The following GAD1 variants were observed in gnomAD, a reference collection of about 807,000 sequenced individuals.
The protein encoded by GAD1 is glutamate decarboxylase 1, also known as 67 kDa glutamic acid decarboxylase.
Under a neutral mutation model 75.2 loss-of-function variants are expected in GAD1, and 35 were observed. The observed-to-expected ratio is 0.47, with a 90% CI of 0.36 to 0.62. The LOEUF (loss-of-function observed/expected upper bound fraction) is 0.62, where lower values mean the gene tolerates loss of function less well. Among genes scored for constraint, GAD1 ranks in the 20% least tolerant of loss-of-function variants. GAD1 has a pLI of 0.00. For missense variants in GAD1, 490 were observed against 758.5 expected, an observed-to-expected ratio of 0.65 and a Z score of 4.16; for synonymous variants, 257 against 271.9, an observed-to-expected ratio of 0.95 and a Z score of 0.54.
chr2:170,840,609 A>AAGGG (rs1213730654), intron 6 of GAD1, among the ~76,000 whole-genome samples: 1 of 130,558 alleles, frequency 7.7e-6, no homozygotes, highest in Non-Finnish European at 1.6e-5. Flanking sequence ...CTCAGAAAGG[A>AAGGG]AGGGAGGGAG....
chr2:170,829,520 T>C lies in GAD1; in HGVS notation c.191T>C (p.Val64Ala), dbSNP rs1285353478. ...AGCCTGGAAGAGAAGAGTCGCCTTG[T>C]GAGTGCCTTCAAGGAGAGGCAATCC... ...TNSLEEKSRL[V>A]SAFKERQSSK... Residue 64 changes from valine to alanine, a missense_variant, in exon 4 of 17, where the codon GTG (valine) becomes GCG (alanine). Physicochemically the swap from Val to Ala is moderately conservative, Grantham distance 64 (BLOSUM62 0). Transcript: ENST00000358196. 1.2e-6 allele frequency: 2 copies of C among 1,613,840 alleles called. No homozygotes were observed. The highest frequency in any genetic ancestry group is 1.7e-6 in the Non-Finnish European group (2 of 1,180,030).
At chr2:170,844,287 G>A in intron 7 of GAD1, 130 bp downstream of exon 7, 1 of 667,340 alleles carries the variant, frequency 1.5e-6, no homozygotes, top group Non-Finnish European at 2.8e-6. Flanking sequence ...TTTTCAAGAT[G>A]AAGGCTAACA....
chr2:170,855,472 T>TGCTG (rs1353736930), intron 14 of GAD1, among the ~76,000 whole-genome samples: 1 of 151,884 alleles, frequency 6.6e-6, no homozygotes, highest in African/African-American at 2.4e-5. Flanking sequence ...CCTCCCAAAG[T>TGCTG]GCTGGGATTA....
intron 1 of GAD1, 186 bp downstream of exon 1, chr2:170,817,234 C>CG (rs1553572158): frequency 2.6e-5 from 3 of 116,662 alleles, no homozygotes; most frequent in Admixed American, 1.7e-4. Context: ...GACCCCCCCC[C>CG]CCCCGCCTCC....
intron 12 of GAD1, among the ~76,000 whole-genome samples, chr2:170,849,587 G>A (rs561377145): frequency 9.2e-5 from 14 of 152,328 alleles, no homozygotes; most frequent in East Asian, 1.9e-4. Context: ...GGTGGCTCAC[G>A]CCTCTAATCC....
At chr2:170,855,209 C>CTT (rs536241751) in intron 14 of GAD1, among the ~76,000 whole-genome samples, 16 of 129,260 alleles carry the variant, frequency 1.2e-4, no homozygotes, top group South Asian at 2.5e-4. Flanking sequence ...GTCATTTTGT[C>CTT]TTTTTTTTTT....
intron 6 of GAD1, among the ~76,000 whole-genome samples, chr2:170,843,511 T>C (rs1702564532): frequency 6.6e-6 from 1 of 152,178 alleles, no homozygotes; most frequent in African/African-American, 2.4e-5. Context: ...CCTGGGTCAA[T>C]ATTTCCAATT....
At position 170,859,916 on chromosome 2, in the gene GAD1, C is replaced by A; in HGVS notation, c.*34C>A. 6.2e-7 allele frequency: 1 copy of A among 1,600,758 alleles called. No individual in the cohort carries two copies. Among genetic ancestry groups the A allele is most frequent in the Admixed American group, 1.7e-5 (1 of 59,534 alleles). ...CGCAGAACATGAGTTTATGGGAATGCCTTTTCCCTCTGGCACTCCAGAACA... is the reference window on the plus strand; with the variant it reads ...CGCAGAACATGAGTTTATGGGAATGACTTTTCCCTCTGGCACTCCAGAACA... On this transcript the variant is annotated 3_prime_UTR_variant, in exon 17 of 17. Coordinates refer to ENST00000358196, the MANE Select transcript of GAD1 (RefSeq NM_000817.3).
At chr2:170,817,784 GC>G (rs1701748991) in intron 1 of GAD1, 1 of 152,426 alleles carries the variant, frequency 6.6e-6, no homozygotes, top group Non-Finnish European at 1.5e-5. Context: ...GAGGAGAAAC[GC>G]TGAAACCGGA....
Position 170,822,161 on chromosome 2 carries a change from G to C in GAD1, c.145+12G>C, listed in dbSNP as rs1255252008. The C allele has an allele frequency of 6.2e-6, 10 of 1,611,668 alleles. No individual in the cohort carries two copies. Among genetic ancestry groups the C allele is most frequent in the Non-Finnish European group, 8.5e-6 (10 of 1,179,074 alleles). ...GCTCAAGATCTGCGGTAAGTGACAG[G>C]ACCCACTGGGGCCCGGCTGGGTGGC... is the stretch of plus-strand genomic sequence containing the variant. On this transcript the variant is annotated intron_variant, in intron 3 of 16. Transcript: ENST00000358196.
rs1701900298 is a variant in GAD1 at position 170,822,118 on chromosome 2, A to T, written c.114A>T (p.Gly38=). ...ATACCTGGTGCGGCGTGGCCCATGG[A>T]TGCACCAGAAAACTGGGGCTCAAGA... ...TYDTWCGVAH[G]CTRKLGLKIC... is the part of the protein sequence containing the mutation. The change falls in exon 3 of 17, where the codon GGA becomes GGT. Residue 38 remains glycine (G), a synonymous_variant. Transcript: ENST00000358196. The T allele has an allele frequency of 1.2e-6, 2 of 1,612,310 alleles. No individual in the cohort carries two copies. The highest frequency in any genetic ancestry group is 1.7e-6 in the Non-Finnish European group (2 of 1,179,488).
chr2:170,860,765 A>G lies in GAD1; in HGVS notation c.*883A>G, dbSNP rs1702948387. Reference sequence around the variant, plus strand: ...TTGTATTTATATTAGAGTGCCCTTAAAATAATGATTTAAGCATTTTACTGT... The same window carrying G: ...TTGTATTTATATTAGAGTGCCCTTAGAATAATGATTTAAGCATTTTACTGT... On this transcript the variant is annotated 3_prime_UTR_variant, in exon 17 of 17. Coordinates refer to ENST00000358196, the MANE Select transcript of GAD1 (RefSeq NM_000817.3). 1 of 152,646 alleles carries G rather than the reference A, an allele frequency of 6.6e-6. No homozygotes were observed. The highest frequency in any genetic ancestry group is 1.5e-5 in the Non-Finnish European group (1 of 68,030). 9.5% of individuals were successfully genotyped at this position (152,646 alleles called of 1,614,324 possible). A position where few individuals can be genotyped will look rare whatever the true frequency, so the allele number is the denominator to read the frequency against.
In GAD1 at chr2:170,844,457, A is replaced by G. The variant is rs574488566; in HGVS notation, c.751+300A>G. 8.2e-4 allele frequency among the ~76,000 whole-genome samples: 108 copies of G among 131,502 alleles called. 1 individual carries two copies. Among genetic ancestry groups the G allele is most frequent in the South Asian group, 2.1e-3 (9 of 4,336 alleles). 86.3% of individuals were successfully genotyped at this position (131,502 alleles called of 152,430 possible). ...AGGGTCTCACTCTGTCATCCAGGCT[A>G]GAGTGCAGTGGTGTGATCCTAGCTC... On this transcript the variant is annotated intron_variant, in intron 7 of 16. Transcript: ENST00000358196.
chr2:170,857,481 C>T (rs550857226), intron 15 of GAD1, among the ~76,000 whole-genome samples: 1 of 152,150 alleles, frequency 6.6e-6, no homozygotes, highest in African/African-American at 2.4e-5. Flanking sequence ...CATGGTGGCT[C>T]ACACCTGTAA....
rs1416901276 is a variant in GAD1, at chr2:170,818,077, C to G, written c.-63-452C>G. 1 of 171,584 alleles carries G rather than the reference C, an allele frequency of 5.8e-6. No individual in the cohort carries two copies. Among genetic ancestry groups the G allele is most frequent in the Non-Finnish European group, 1.3e-5 (1 of 79,906 alleles). 10.6% of individuals were successfully genotyped at this position (171,584 alleles called of 1,614,324 possible). On this transcript the variant is annotated intron_variant, in intron 1 of 16. Coordinates refer to ENST00000358196, the MANE Select transcript of GAD1 (RefSeq NM_000817.3). This position sits in a 1 kb window ranked among gnomAD's most constrained non-coding sequence, Gnocchi z 5.9. ...GACACCGAACCAGACATGCCCGCCC[C>G]GTGCGCCCTCCCCCCGCTGGCCCAC...
At chr2:170,846,483 T>G (rs1387675912) in intron 10 of GAD1, among the ~76,000 whole-genome samples, 1 of 152,272 alleles carries the variant, frequency 6.6e-6, no homozygotes, top group African/African-American at 2.4e-5. Context: ...CCATGGTACT[T>G]GGCACATCCA....
Position 170,854,588 on chromosome 2 carries a change from G to T in GAD1, c.1413+566G>T, listed in dbSNP as rs894241395. ...GCTAATTTTTTAAAAAATATTTTTG[G>T]TAGAGACGGGGTTTCACCGCGTTAG... On this transcript the variant is annotated intron_variant, in intron 14 of 16. Transcript: ENST00000358196. 2.0e-5 allele frequency among the ~76,000 whole-genome samples: 3 copies of T among 152,056 alleles called. No homozygotes were observed. In the East Asian group the frequency reaches 5.8e-4, roughly 29 times the overall value.
Position 170,854,034 on chromosome 2 carries a change from A to C in GAD1, c.1413+12A>C. On this transcript the variant is annotated intron_variant, in intron 14 of 16. Transcript: ENST00000358196. ...TGTGGAAAGCAAAGGTATGAAGGGAATAGTTCAGGAAATAGAGCAGAAATG... is the reference window on the plus strand; with the variant it reads ...TGTGGAAAGCAAAGGTATGAAGGGACTAGTTCAGGAAATAGAGCAGAAATG... 2 of 1,614,126 alleles carry C rather than the reference A, an allele frequency of 1.2e-6. No homozygotes were observed. The highest frequency in any genetic ancestry group is 8.5e-7 in the Non-Finnish European group (1 of 1,179,970).
chr2:170,819,447 G>A (rs2105751701), intron 2 of GAD1, among the ~76,000 whole-genome samples: 1 of 152,068 alleles, frequency 6.6e-6, no homozygotes, highest in African/African-American at 2.4e-5. Flanking sequence ...GACATGTCCC[G>A]AAAAGAGAGA....
Sources: allele counts gnomAD v4.1 joint callset (sites outside exome capture counted in the v4.1 genomes callset), GRCh38; gene constraint gnomAD v4.1.1; non-coding constraint Gnocchi (gnomAD v3.1); transcripts MANE v1.5; gene names NCBI Gene and HGNC (gene_info 2026-07-23, HGNC 2026-07-21).